RAB31: variants seen among roughly 807,000 people sequenced by gnomAD.
RAB31 encodes the protein ras-related protein Rab-31.
A neutral mutation model predicts 25.6 loss-of-function variants in RAB31; 21 were observed. The observed-to-expected ratio is 0.82, with a 90% CI of 0.58 to 1.18. The LOEUF is 1.18. RAB31 is among the 50% of genes most tolerant of loss of function. RAB31 has a pLI of 0.00. For missense variants in RAB31, 196 were observed against 250.1 expected (o/e 0.78, Z 1.46); for synonymous variants, 87 against 84.0 (o/e 1.04, Z -0.20).
rs1250443343 is a variant in RAB31, at chr18:9,859,760, GA to G, written c.*438del. On this transcript the variant is annotated 3_prime_UTR_variant, in exon 7 of 7. Coordinates refer to ENST00000578921, the MANE Select transcript of RAB31 (RefSeq NM_006868.4). ...CTTTGTTACCTAACCAACCTTCACT[GA>G]AAGGCAAATTTAGTTCAGGAGGTTA... 1.3e-5 allele frequency: 2 copies of G among 153,072 alleles called. No individual in the cohort carries two copies. Among genetic ancestry groups the G allele is most frequent in the Non-Finnish European group, 2.9e-5 (2 of 68,708 alleles). 9.5% of individuals were successfully genotyped at this position (153,072 alleles called of 1,614,324 possible). A position where few individuals can be genotyped will look rare whatever the true frequency, so the allele number is the denominator to read the frequency against.
chr18:9,822,567 A>G (rs751280624), intron 5 of RAB31, among the ~76,000 whole-genome samples: 4 of 152,202 alleles, frequency 2.6e-5, no homozygotes, highest in African/African-American at 9.6e-5. Flanking sequence ...TGCAAACTAT[A>G]TATCTATAAG....
chr18:9,751,629 C>T (rs1269211067), intron 1 of RAB31, among the ~76,000 whole-genome samples: 1 of 152,212 alleles, frequency 6.6e-6, no homozygotes, highest in African/African-American at 2.4e-5. Context: ...TGATGTATTG[C>T]TCTCCAACCG....
At chr18:9,827,081 C>A (rs1404063010) in intron 5 of RAB31, among the ~76,000 whole-genome samples, 1 of 152,012 alleles carries the variant, frequency 6.6e-6, no homozygotes, top group Non-Finnish European at 1.5e-5. Context: ...ATTTTGAATT[C>A]TTGGCTCTAC....
intron 1 of RAB31, among the ~76,000 whole-genome samples, chr18:9,742,444 C>G (rs975078713): frequency 1.3e-5 from 2 of 152,184 alleles, no homozygotes; most frequent in African/African-American, 4.8e-5. Flanking sequence ...AGGAAGGGGC[C>G]TCAGTTCTCA....
At chr18:9,765,015 C>T (rs575944777) in intron 1 of RAB31, among the ~76,000 whole-genome samples, 1 of 151,868 alleles carries the variant, frequency 6.6e-6, no homozygotes, top group African/African-American at 2.4e-5. Context: ...AGTGCAATGC[C>T]GATCTTGGCT....
At chr18:9,834,116 CT>C (rs553750745) in intron 5 of RAB31, among the ~76,000 whole-genome samples, 4 of 151,226 alleles carry the variant, frequency 2.6e-5, no homozygotes, top group African/African-American at 7.3e-5. Flanking sequence ...CTATGCAGCC[CT>C]TTTTTTTTCT....
intron 5 of RAB31, among the ~76,000 whole-genome samples, chr18:9,820,669 T>A (rs1266999791): frequency 6.6e-6 from 1 of 152,082 alleles, no homozygotes; most frequent in Non-Finnish European, 1.5e-5. Flanking sequence ...CATAGTATTA[T>A]CTCATAATCT....
intron 6 of RAB31, among the ~76,000 whole-genome samples, chr18:9,845,898 C>T (rs1328023477): frequency 1.3e-5 from 2 of 152,176 alleles, no homozygotes; most frequent in Admixed American, 1.3e-4. Context: ...GTACTGGAAC[C>T]TGTTCACTCT....
At chr18:9,813,883 T>C (rs2068587694) in intron 3 of RAB31, 137 bp from the exon 4 acceptor site, 1 of 484,082 alleles carries the variant, frequency 2.1e-6, no homozygotes, top group Non-Finnish European at 3.6e-6. Context: ...ATAAATAATA[T>C]GAACCATGGA....
intron 3 of RAB31, among the ~76,000 whole-genome samples, chr18:9,796,889 G>C (rs192421833): frequency 4.6e-5 from 7 of 152,040 alleles, no homozygotes; most frequent in African/African-American, 1.7e-4. Context: ...AAGACCTTCA[G>C]AATGCTAAAG....
chr18:9,783,007 A>C (rs1168908518), intron 2 of RAB31, among the ~76,000 whole-genome samples: 4 of 152,244 alleles, frequency 2.6e-5, no homozygotes, highest in African/African-American at 7.2e-5. Flanking sequence ...TCAACAAAAA[A>C]AAGCAATGAT....
chr18:9,836,836 G>A (rs2143118372), intron 5 of RAB31, among the ~76,000 whole-genome samples: 1 of 151,250 alleles, frequency 6.6e-6, no homozygotes, highest in South Asian at 2.1e-4. Flanking sequence ...TGAGGAACGG[G>A]GGGAAACACA....
At chr18:9,836,726 G>A (rs72947505) in intron 5 of RAB31, among the ~76,000 whole-genome samples, 5,550 of 152,092 alleles carry the variant, frequency 0.036, 146 homozygotes, top group Middle Eastern at 0.068. Context: ...TGAGGAATGG[G>A]GTGAGACACA....
intron 3 of RAB31, among the ~76,000 whole-genome samples, chr18:9,801,926 T>A (rs2068515875): frequency 6.6e-6 from 1 of 152,248 alleles, no homozygotes; most frequent in African/African-American, 2.4e-5. Flanking sequence ...ACACAGTTTA[T>A]TGAAAAGACT....
chr18:9,734,535 C>A (rs529799207), intron 1 of RAB31, among the ~76,000 whole-genome samples: 2 of 152,188 alleles, frequency 1.3e-5, no homozygotes, highest in Non-Finnish European at 2.9e-5. Context: ...GCCTGGGGAG[C>A]CTATCTGCAG....
chr18:9,780,530 C>G (rs2068397853), intron 2 of RAB31, among the ~76,000 whole-genome samples: 1 of 152,170 alleles, frequency 6.6e-6, no homozygotes, highest in Non-Finnish European at 1.5e-5. Context: ...TATTCAACAT[C>G]ATTTTGTGAA....
chr18:9,761,357 T>C (rs2068287809), intron 1 of RAB31, among the ~76,000 whole-genome samples: 2 of 152,162 alleles, frequency 1.3e-5, no homozygotes, highest in Non-Finnish European at 2.9e-5. Flanking sequence ...CCTACTTCAT[T>C]AGGGTTGTTG....
At chr18:9,843,271 G>A (rs1035313124) in intron 5 of RAB31, among the ~76,000 whole-genome samples, 3 of 152,114 alleles carry the variant, frequency 2.0e-5, no homozygotes, top group Non-Finnish European at 4.4e-5. Context: ...GAGGCTGGGC[G>A]CAGTGGTGCA....
chr18:9,827,928 A>C (rs2068658114), intron 5 of RAB31, among the ~76,000 whole-genome samples: 1 of 152,176 alleles, frequency 6.6e-6, no homozygotes. Flanking sequence ...TATTTAATGA[A>C]GTTCCAGTTG....
Sources: allele counts gnomAD v4.1 joint callset (sites outside exome capture counted in the v4.1 genomes callset), GRCh38; gene constraint gnomAD v4.1.1; transcripts MANE v1.5; gene names NCBI Gene and HGNC (gene_info 2026-07-23, HGNC 2026-07-21).